The following CNTN4 variants were observed in gnomAD, a reference collection of about 807,000 sequenced individuals.
CNTN4 encodes contactin-4.
Under a neutral mutation model 122.5 loss-of-function variants are expected in CNTN4, and 77 were observed. The ratio of observed to expected loss-of-function variants is 0.63; its 90% CI spans 0.52 to 0.76. The LOEUF (loss-of-function observed/expected upper bound fraction) is 0.76, where lower values mean the gene tolerates loss of function less well. CNTN4 is among the 30% of genes least tolerant of loss of function. The pLI is 0.00. For missense variants in CNTN4, 1,256 were observed against 1,259.1 expected, an observed-to-expected ratio of 1.00 and a Z score of 0.04; for synonymous variants, 512 against 447.0, an observed-to-expected ratio of 1.15 and a Z score of -1.83.
intron 7 of CNTN4, among the ~76,000 whole-genome samples, chr3:2,853,187 A>G (rs1289143273): frequency 3.5e-5 from 5 of 141,506 alleles, no homozygotes; most frequent in African/African-American, 7.8e-5. Context: ...GGACGGAAAA[A>G]AAAAAAGAAC....
intron 6 of CNTN4, 84 bp downstream of exon 6, chr3:2,745,781 T>A (rs2089718006): frequency 1.6e-6 from 2 of 1,225,108 alleles, no homozygotes; most frequent in East Asian, 4.8e-5. Flanking sequence ...CAGTTTCATT[T>A]TAGAGACTAG....
At chr3:2,909,002 T>C (rs772600965) in intron 12 of CNTN4, among the ~76,000 whole-genome samples, 2 of 152,222 alleles carry the variant, frequency 1.3e-5, no homozygotes, top group Non-Finnish European at 2.9e-5. Context: ...GATTATCTGG[T>C]TAATTTGGCA....
chr3:2,895,347 A>G (rs2094096088), intron 10 of CNTN4, among the ~76,000 whole-genome samples: 1 of 152,202 alleles, frequency 6.6e-6, no homozygotes, highest in South Asian at 2.1e-4. Context: ...TTTTCATAAC[A>G]TTTACAGGAG....
At chr3:2,708,253 A>G (rs1222149856) in intron 4 of CNTN4, among the ~76,000 whole-genome samples, 1 of 152,170 alleles carries the variant, frequency 6.6e-6, no homozygotes, top group Non-Finnish European at 1.5e-5. Flanking sequence ...TACCTTGAAA[A>G]ACTAATGATG....
At chr3:2,631,877 AACAAAAAAAAAC>A (rs1453648721) in intron 4 of CNTN4, among the ~76,000 whole-genome samples, 1 of 128,610 alleles carries the variant, frequency 7.8e-6, no homozygotes, top group Non-Finnish European at 1.5e-5. Context: ...AAAAAAAAAA[AACAAAAAAAAAC>A]AACAACTAAA....
chr3:2,820,199 A>G (rs2092831385), intron 7 of CNTN4, among the ~76,000 whole-genome samples: 1 of 152,306 alleles, frequency 6.6e-6, no homozygotes, highest in East Asian at 1.9e-4. Flanking sequence ...ACTTCTGACT[A>G]ACTGGCTATA....
intron 23 of CNTN4, among the ~76,000 whole-genome samples, chr3:3,052,167 AT>A (rs1446657103): frequency 6.6e-6 from 1 of 152,188 alleles, no homozygotes; most frequent in Non-Finnish European, 1.5e-5. Context: ...CAACTACAGC[AT>A]GGATCCCACC....
chr3:2,594,950 G>C (rs1313705723), intron 4 of CNTN4, among the ~76,000 whole-genome samples: 1 of 152,142 alleles, frequency 6.6e-6, no homozygotes, highest in Non-Finnish European at 1.5e-5. Flanking sequence ...AATTGGAAAA[G>C]TCATCACCTT....
In CNTN4 at chr3:2,113,865, C is replaced by G. The variant is rs548689280; in HGVS notation, c.-145+13226C>G. On this transcript the variant is annotated intron_variant, in intron 2 of 24. Coordinates refer to ENST00000418658, the MANE Select transcript of CNTN4 (RefSeq NM_175607.3). ...ATAACTCAAACCATTCTTCCTTATGCTGAAGATCGAGAACCCCAAGTATCA... is the reference window on the plus strand; with the variant it reads ...ATAACTCAAACCATTCTTCCTTATGGTGAAGATCGAGAACCCCAAGTATCA... Among the ~76,000 whole-genome samples, 26 of 152,264 alleles carry G rather than the reference C, an allele frequency of 1.7e-4. No individual in the cohort carries two copies. The South Asian group carries it at 5.2e-3, about 30-fold the overall frequency.
At chr3:2,528,347 G>T (rs1336488916) in intron 3 of CNTN4, among the ~76,000 whole-genome samples, 1 of 152,046 alleles carries the variant, frequency 6.6e-6, no homozygotes, top group South Asian at 2.1e-4. Flanking sequence ...TATCTCATAT[G>T]TGGAGAAATC....
In CNTN4 at chr3:2,695,827, G is replaced by A. The variant is rs560068539; in HGVS notation, c.56-40388G>A. The stretch of plus-strand genomic sequence containing the variant: ...ATTTTAGAAGTGTCACCAGAGTTGA[G>A]TCTGAAATTATGAGCAAATGTTTTC... On this transcript the variant is annotated intron_variant, in intron 4 of 24. Transcript: ENST00000418658. Among the ~76,000 whole-genome samples the A allele has an allele frequency of 8.5e-5, 13 of 152,202 alleles. No homozygotes were observed. In the East Asian group the frequency reaches 2.3e-3, roughly 27 times the overall value.
At chr3:2,418,222 G>T (rs547173439) in intron 3 of CNTN4, among the ~76,000 whole-genome samples, 2 of 152,150 alleles carry the variant, frequency 1.3e-5, no homozygotes, top group African/African-American at 4.8e-5. Flanking sequence ...GTTCAGAGAG[G>T]CTGTGTGTAT....
intron 6 of CNTN4, among the ~76,000 whole-genome samples, chr3:2,813,746 A>G (rs2092667051): frequency 6.6e-6 from 1 of 152,172 alleles, no homozygotes; most frequent in African/African-American, 2.4e-5. Flanking sequence ...CCTCTAGACT[A>G]TAATCAGGTA....
intron 10 of CNTN4, among the ~76,000 whole-genome samples, chr3:2,894,821 A>G (rs1256399557): frequency 6.6e-6 from 1 of 152,180 alleles, no homozygotes; most frequent in Non-Finnish European, 1.5e-5. Flanking sequence ...AAATCCACAT[A>G]TTGCTGATTT....
intron 7 of CNTN4, among the ~76,000 whole-genome samples, chr3:2,844,299 T>C (rs918891980): frequency 3.3e-5 from 5 of 152,362 alleles, no homozygotes; most frequent in African/African-American, 9.6e-5. Flanking sequence ...TTGAGAATTA[T>C]ATTTATTGCA....
At chr3:2,429,220 C>T (rs1559544948) in intron 3 of CNTN4, among the ~76,000 whole-genome samples, 1 of 152,172 alleles carries the variant, frequency 6.6e-6, no homozygotes, top group Non-Finnish European at 1.5e-5. Context: ...GTTTTATCTA[C>T]CTTTGGTCTT....
chr3:2,981,312 CG>C lies in CNTN4; in HGVS notation c.1359-7030del, dbSNP rs1027185079. On this transcript the variant is annotated intron_variant, in intron 13 of 24. Coordinates refer to ENST00000418658, the MANE Select transcript of CNTN4 (RefSeq NM_175607.3). ...ACAAAAAATTAGCCGGGCGTGGTGG[CG>C]GGCGCCTGTAGTCCCAGCTACTCGG... Among the ~76,000 whole-genome samples the C allele has an allele frequency of 3.3e-3, 505 of 151,738 alleles. 4 individuals are homozygous for C. Among genetic ancestry groups the C allele is most frequent in the Middle Eastern group, 0.014 (4 of 294 alleles).
intron 3 of CNTN4, among the ~76,000 whole-genome samples, chr3:2,395,593 C>G (rs558157770): frequency 5.3e-5 from 8 of 152,000 alleles, no homozygotes; most frequent in Non-Finnish European, 5.9e-5. Flanking sequence ...AGTCCTTGCC[C>G]CACTCTTTTC....
chr3:2,145,256 A>T (rs1310735400), intron 2 of CNTN4, among the ~76,000 whole-genome samples: 1 of 152,184 alleles, frequency 6.6e-6, no homozygotes, highest in East Asian at 1.9e-4. Flanking sequence ...CCAGAAATAA[A>T]TCACTGTTAA....
Sources: allele counts gnomAD v4.1 joint callset (sites outside exome capture counted in the v4.1 genomes callset), GRCh38; gene constraint gnomAD v4.1.1; transcripts MANE v1.5; gene names NCBI Gene and HGNC (gene_info 2026-07-23, HGNC 2026-07-21).